GSK3B: variants seen among roughly 807,000 people sequenced by gnomAD.
GSK3B encodes glycogen synthase kinase-3 beta.
A neutral mutation model predicts 56.4 loss-of-function variants in GSK3B; 15 were observed. That is an observed-to-expected ratio of 0.27 (90% CI 0.18 to 0.41). GSK3B has a LOEUF of 0.41. GSK3B is among the 10% of genes least tolerant of loss of function. The probability of loss-of-function intolerance (pLI) is 1.00; values close to 1 mark genes in which losing one functional copy is unlikely to be tolerated. For missense variants in GSK3B, 300 were observed against 513.4 expected (o/e 0.58, Z 4.02); for synonymous variants, 181 against 188.9 (o/e 0.96, Z 0.34).
At chr3:119,948,098 T>C (rs1365741357) in intron 2 of GSK3B, among the ~76,000 whole-genome samples, 1 of 152,200 alleles carries the variant, frequency 6.6e-6, no homozygotes, top group African/African-American at 2.4e-5. Context: ...ACAATATACT[T>C]GACTGACAGA....
At position 119,825,608 on chromosome 3, in the gene GSK3B, A is replaced by G. The variant is rs1296806466; in HGVS notation, c.*1180T>C. 2 of 228,542 alleles carry G rather than the reference A, an allele frequency of 8.8e-6. No homozygotes were observed. Among genetic ancestry groups the G allele is most frequent in the Middle Eastern group, 2.5e-3 (2 of 788 alleles). The allele number at this position is 228,542 out of a possible 1,614,324, so 14.2% of individuals were successfully genotyped here. A position where few individuals can be genotyped will look rare whatever the true frequency, so the allele number is the denominator to read the frequency against. ...ATGTGTAGTTTTTAATATTTCTACCATCTGACATGCATCAATAAATAAATG... is the reference window on the plus strand; with the variant it reads ...ATGTGTAGTTTTTAATATTTCTACCGTCTGACATGCATCAATAAATAAATG... On this transcript the variant is annotated 3_prime_UTR_variant, in exon 11 of 11. Coordinates refer to ENST00000264235, the MANE Select transcript of GSK3B (RefSeq NM_001146156.2).
chr3:119,987,214 A>C (rs572036200), intron 2 of GSK3B, among the ~76,000 whole-genome samples: 1 of 152,238 alleles, frequency 6.6e-6, no homozygotes, highest in South Asian at 2.1e-4. Context: ...CATTAGGAGA[A>C]ATACCTAATG....
chr3:119,973,229 A>G (rs2057383578), intron 2 of GSK3B, among the ~76,000 whole-genome samples: 1 of 152,220 alleles, frequency 6.6e-6, no homozygotes, highest in Non-Finnish European at 1.5e-5. Flanking sequence ...AGTTACCTAC[A>G]GTCAACCACA....
chr3:119,851,170 G>A (rs1460754255), intron 9 of GSK3B, among the ~76,000 whole-genome samples: 1 of 152,048 alleles, frequency 6.6e-6, no homozygotes, highest in Non-Finnish European at 1.5e-5. Flanking sequence ...TTAAACAAAA[G>A]CAAAATGAGT....
At chr3:119,887,830 C>T (rs986893492) in intron 7 of GSK3B, among the ~76,000 whole-genome samples, 29 of 152,000 alleles carry the variant, frequency 1.9e-4, no homozygotes, top group Non-Finnish European at 2.8e-4. Context: ...AAGCCACTCA[C>T]AAAGTGAAAA....
At chr3:119,953,560 C>T (rs964451629) in intron 2 of GSK3B, among the ~76,000 whole-genome samples, 1 of 152,088 alleles carries the variant, frequency 6.6e-6, no homozygotes, top group African/African-American at 2.4e-5. Flanking sequence ...GAGAGAGAGA[C>T]CCACTGCCTA....
intron 1 of GSK3B, among the ~76,000 whole-genome samples, chr3:120,063,202 A>G (rs1451949014): frequency 1.3e-5 from 2 of 152,232 alleles, no homozygotes; most frequent in Admixed American, 1.3e-4. Context: ...TAACTTCTGG[A>G]GATATGAATA....
chr3:119,964,998 C>G (rs1427102438), intron 2 of GSK3B, among the ~76,000 whole-genome samples: 1 of 148,890 alleles, frequency 6.7e-6, no homozygotes, highest in Non-Finnish European at 1.5e-5. Context: ...AAATCAAAAG[C>G]AAAATAATTG....
At chr3:119,936,531 A>G (rs1480534104) in intron 3 of GSK3B, among the ~76,000 whole-genome samples, 1 of 151,260 alleles carries the variant, frequency 6.6e-6, no homozygotes, top group Non-Finnish European at 1.5e-5. Flanking sequence ...ATTTTTTAGT[A>G]GAGATGGGGT....
intron 1 of GSK3B, among the ~76,000 whole-genome samples, chr3:120,089,978 T>C (rs1380569076): frequency 6.6e-6 from 1 of 152,148 alleles, no homozygotes; most frequent in East Asian, 1.9e-4. Context: ...AATCAACTTT[T>C]AATTTCTTCT....
At chr3:119,973,922 A>T (rs1418268556) in intron 2 of GSK3B, among the ~76,000 whole-genome samples, 1 of 152,222 alleles carries the variant, frequency 6.6e-6, no homozygotes, top group Non-Finnish European at 1.5e-5. Flanking sequence ...AAAGAAATGA[A>T]TCTAAGCATA....
At chr3:120,078,914 T>TACAC (rs57127586) in intron 1 of GSK3B, among the ~76,000 whole-genome samples, 31,957 of 138,022 alleles carry the variant, frequency 0.23, 4,240 homozygotes, top group East Asian at 0.44. Flanking sequence ...GACAGGAAAT[T>TACAC]ACACACACAC....
intron 7 of GSK3B, among the ~76,000 whole-genome samples, chr3:119,898,426 T>C (rs182446547): frequency 6.6e-6 from 1 of 152,282 alleles, no homozygotes; most frequent in Admixed American, 6.5e-5. Context: ...TGAAACAGAA[T>C]TAAACCTAAA....
chr3:119,908,170 C>T (rs904040727), intron 6 of GSK3B, among the ~76,000 whole-genome samples: 5 of 152,112 alleles, frequency 3.3e-5, no homozygotes, highest in African/African-American at 1.2e-4. Context: ...GGAAGCCAAA[C>T]CTAGGCTTGC....
chr3:119,922,220 A>AGGAGGGAGGGAGGGAG (rs1280326048), intron 4 of GSK3B, among the ~76,000 whole-genome samples: 3 of 105,064 alleles, frequency 2.9e-5, no homozygotes, highest in African/African-American at 1.3e-4. Flanking sequence ...GAAGGAAGGA[A>AGGAGGGAGGGAGGGAG]GGAAGGAGGG....
At chr3:119,834,893 G>A (rs1001850618) in intron 10 of GSK3B, among the ~76,000 whole-genome samples, 5 of 152,188 alleles carry the variant, frequency 3.3e-5, no homozygotes, top group South Asian at 2.1e-4. Flanking sequence ...TGATGTCTAG[G>A]ACTGCTCTGG....
chr3:119,854,339 T>A (rs942143788), intron 9 of GSK3B, among the ~76,000 whole-genome samples: 3 of 152,190 alleles, frequency 2.0e-5, no homozygotes, highest in African/African-American at 7.2e-5. Context: ...TATTGAAGAT[T>A]TTTGCATCCA....
At chr3:119,955,662 T>C (rs1464743716) in intron 2 of GSK3B, among the ~76,000 whole-genome samples, 1 of 152,050 alleles carries the variant, frequency 6.6e-6, no homozygotes, top group Non-Finnish European at 1.5e-5. Context: ...GTTGTTGTTG[T>C]TGTTGTTTTG....
intron 1 of GSK3B, chr3:120,029,493 T>C: frequency 1.5e-6 from 1 of 658,256 alleles, no homozygotes; most frequent in South Asian, 1.5e-5. Flanking sequence ...AGGTGTTATT[T>C]CCAATTGTGT....
Sources: allele counts gnomAD v4.1 joint callset (sites outside exome capture counted in the v4.1 genomes callset), GRCh38; gene constraint gnomAD v4.1.1; transcripts MANE v1.5; gene names NCBI Gene and HGNC (gene_info 2026-07-23, HGNC 2026-07-21).